Variants in GRM1 observed in about 807,000 individuals in gnomAD.
The protein encoded by GRM1 is glutamate metabotropic receptor 1.
A neutral mutation model predicts 90.9 loss-of-function variants in GRM1; 33 were observed. That is an observed-to-expected ratio of 0.36 (90% CI 0.28 to 0.49). The LOEUF is 0.49. GRM1 is among the 20% of genes least tolerant of loss of function. The pLI, the probability that GRM1 is intolerant of heterozygous loss-of-function variation, is 0.99. For missense variants in GRM1, 1,190 were observed against 1,534.3 expected (o/e 0.78, Z 3.75); for synonymous variants, 700 against 613.2 (o/e 1.14, Z -2.09).
At chr6:146,200,940 T>C (rs1779278625) in intron 2 of GRM1, among the ~76,000 whole-genome samples, 1 of 152,212 alleles carries the variant, frequency 6.6e-6, no homozygotes, top group South Asian at 2.1e-4. Flanking sequence ...TCTTTTGCTC[T>C]GCTCATTTCT....
At chr6:146,427,106 G>A (rs762604272) in intron 7 of GRM1, among the ~76,000 whole-genome samples, 10 of 152,014 alleles carry the variant, frequency 6.6e-5, no homozygotes, top group African/African-American at 2.4e-4. Flanking sequence ...GTCAGTTTGC[G>A]GGGGTGGGTG....
intron 1 of GRM1, among the ~76,000 whole-genome samples, chr6:146,059,313 C>T (rs1562435900): frequency 6.6e-6 from 1 of 152,130 alleles, no homozygotes; most frequent in South Asian, 2.1e-4. Flanking sequence ...CCTCAGAACT[C>T]TTGGGTGACC....
chr6:146,228,211 A>G (rs182778328), intron 2 of GRM1, among the ~76,000 whole-genome samples: 123 of 152,314 alleles, frequency 8.1e-4, no homozygotes, highest in Non-Finnish European at 1.4e-3. Context: ...CTTTCGCTGT[A>G]ACAAAATACC....
intron 1 of GRM1, among the ~76,000 whole-genome samples, chr6:146,042,129 A>G (rs1375512231): frequency 6.6e-6 from 1 of 152,028 alleles, no homozygotes; most frequent in East Asian, 1.9e-4. Context: ...ATCAAATTCA[A>G]AAGTCTCTAT....
At position 146,434,904 on chromosome 6, in the gene GRM1, G is replaced by A. The variant is rs1371823497; in HGVS notation, c.*108G>A. ...GCCTGGGAGTGGGGGGCCTCGTCGGGAGGACAGGAGACCGCTGCTGCTGCT... is the reference window on the plus strand; with the variant it reads ...GCCTGGGAGTGGGGGGCCTCGTCGGAAGGACAGGAGACCGCTGCTGCTGCT... On this transcript the variant is annotated 3_prime_UTR_variant, in exon 8 of 8. Coordinates refer to ENST00000282753, the MANE Select transcript of GRM1 (RefSeq NM_001278064.2). 6 of 937,058 alleles carry A rather than the reference G, an allele frequency of 6.4e-6. No homozygotes were observed. The highest frequency in any genetic ancestry group is 1.6e-5 in the African/African-American group (1 of 61,818). 58.0% of individuals were successfully genotyped at this position (937,058 alleles called of 1,614,324 possible).
At chr6:146,249,986 G>A (rs1198634478) in intron 2 of GRM1, among the ~76,000 whole-genome samples, 1 of 152,200 alleles carries the variant, frequency 6.6e-6, no homozygotes, top group Non-Finnish European at 1.5e-5. Flanking sequence ...TGCTCCACCA[G>A]GTTTCAGACT....
At chr6:146,248,198 C>T (rs1781140671) in intron 2 of GRM1, among the ~76,000 whole-genome samples, 1 of 152,040 alleles carries the variant, frequency 6.6e-6, no homozygotes, top group South Asian at 2.1e-4. Context: ...TAGCTGCTTT[C>T]ATTATAAAAA....
chr6:146,141,939 C>T (rs1034605599), intron 1 of GRM1, among the ~76,000 whole-genome samples: 3 of 152,072 alleles, frequency 2.0e-5, no homozygotes, highest in East Asian at 3.9e-4. Context: ...ATAGTCTTAA[C>T]GCTTGTGGAA....
At chr6:146,075,324 A>G (rs991881564) in intron 1 of GRM1, among the ~76,000 whole-genome samples, 4 of 152,226 alleles carry the variant, frequency 2.6e-5, no homozygotes, top group Admixed American at 2.6e-4. Context: ...ATCATCTACT[A>G]TGTGTCAGAC....
chr6:146,296,961 G>T (rs1197671489), intron 2 of GRM1, among the ~76,000 whole-genome samples: 1 of 152,136 alleles, frequency 6.6e-6, no homozygotes, highest in African/African-American at 2.4e-5. Flanking sequence ...TGTTAGAATC[G>T]ATTTCCAGTC....
chr6:146,159,177 T>G (rs781573076), intron 1 of GRM1, among the ~76,000 whole-genome samples, 171 bp from the exon 2 acceptor site: 7 of 152,250 alleles, frequency 4.6e-5, no homozygotes, highest in Non-Finnish European at 1.0e-4. Context: ...TCTGGTTACA[T>G]TTGATTACTC....
At chr6:146,395,144 T>A (rs1487517659) in intron 6 of GRM1, among the ~76,000 whole-genome samples, 6 of 152,116 alleles carry the variant, frequency 3.9e-5, no homozygotes, top group African/African-American at 1.4e-4. Flanking sequence ...TTAGTTGGTT[T>A]ACTGAAAGAT....
intron 1 of GRM1, among the ~76,000 whole-genome samples, chr6:146,089,378 G>C (rs1443717341): frequency 6.6e-6 from 1 of 152,010 alleles, no homozygotes; most frequent in Non-Finnish European, 1.5e-5. Flanking sequence ...ATACAGCCTG[G>C]ATGAGACCTC....
chr6:146,409,288 T>C (rs1383581926), intron 7 of GRM1, among the ~76,000 whole-genome samples: 2 of 152,244 alleles, frequency 1.3e-5, no homozygotes, highest in African/African-American at 2.4e-5. Flanking sequence ...CATGTTATTA[T>C]AGGTCCAGAT....
At chr6:146,112,724 T>C (rs1297285094) in intron 1 of GRM1, among the ~76,000 whole-genome samples, 1 of 152,206 alleles carries the variant, frequency 6.6e-6, no homozygotes, top group East Asian at 1.9e-4. Context: ...TTAAATTGTC[T>C]GCTGTTTGGA....
chr6:146,315,248 A>T (rs553464826), intron 3 of GRM1, among the ~76,000 whole-genome samples: 3 of 152,212 alleles, frequency 2.0e-5, no homozygotes, highest in Admixed American at 2.0e-4. Context: ...ATCTAAATAG[A>T]TACTAACATG....
At chr6:146,371,096 C>T (rs1775882860) in intron 5 of GRM1, among the ~76,000 whole-genome samples, 1 of 151,840 alleles carries the variant, frequency 6.6e-6, no homozygotes, top group African/African-American at 2.4e-5. Flanking sequence ...TGTTGAGTAA[C>T]TGATATGTGC....
chr6:146,045,605 CTGTAAA>C (rs1318563508), intron 1 of GRM1, among the ~76,000 whole-genome samples: 1 of 151,798 alleles, frequency 6.6e-6, no homozygotes, highest in Non-Finnish European at 1.5e-5. Flanking sequence ...GTGCCTAGTA[CTGTAAA>C]TGTAAATGTA....
chr6:146,302,365 A>G lies in GRM1; in HGVS notation c.951-2246A>G, dbSNP rs1350048771. Among the ~76,000 whole-genome samples, 7 of 146,908 alleles carry G rather than the reference A, an allele frequency of 4.8e-5. No individual in the cohort carries two copies. The South Asian group carries it at 6.7e-4, about 14-fold the overall frequency. ...TTAAACCCCCAAGCTATCGCTCCCC[A>G]TGATACTGGTCACTTTTTTTTTTTG... On this transcript the variant is annotated intron_variant, in intron 2 of 7. Transcript: ENST00000282753.
Sources: allele counts gnomAD v4.1 joint callset (sites outside exome capture counted in the v4.1 genomes callset), GRCh38; gene constraint gnomAD v4.1.1; transcripts MANE v1.5; gene names NCBI Gene and HGNC (gene_info 2026-07-23, HGNC 2026-07-21).